The following CYGB variants were observed in gnomAD, a reference collection of about 807,000 sequenced individuals.
The protein encoded by CYGB is histoglobin.
CYGB carries 13 observed loss-of-function variants against 20.7 expected under a neutral mutation model. That is an observed-to-expected ratio of 0.63 (90% CI 0.41 to 1.00). The LOEUF is 1.00. CYGB is among the 50% of genes least tolerant of loss of function. The probability of loss-of-function intolerance (pLI) is 0.00; values close to 1 mark genes in which losing one functional copy is unlikely to be tolerated. For synonymous variants in CYGB, 93 were observed against 107.4 expected, an observed-to-expected ratio of 0.87 and a Z score of 0.83; for missense variants, 218 against 257.2, an observed-to-expected ratio of 0.85 and a Z score of 1.04.
In CYGB at chr17:76,528,598, G is replaced by T; in HGVS notation, c.553C>A (p.Leu185Met). 1 of 1,284,836 alleles carries T rather than the reference G, an allele frequency of 7.8e-7. No homozygotes were observed. Among genetic ancestry groups the T allele is most frequent in the African/African-American group, 1.5e-5 (1 of 65,672 alleles). The allele number at this position is 1,284,836 out of a possible 1,614,324, so 79.6% of individuals were successfully genotyped here. A position where few individuals can be genotyped will look rare whatever the true frequency, so the allele number is the denominator to read the frequency against. Residue 185 changes from leucine to methionine, a missense_variant, in exon 4 of 4, where the codon CTG (leucine) becomes ATG (methionine). Leu to Met is a conservative substitution (Grantham distance 15, BLOSUM62 2). Coordinates refer to ENST00000293230, the MANE Select transcript of CYGB (RefSeq NM_134268.5). The surrounding 1 kb of genome is among the most constrained non-coding windows in gnomAD (Gnocchi z 5.8). ...VPNATTPPAT[L>M]PSSGP ...GGGTCCTACGGCCCCGAAGAGGGCA[G>T]TGTGGCCGGTGGGCTGTGGACGAGA...
In CYGB at chr17:76,531,926, C is replaced by T; in HGVS notation, c.144-235G>A. 1 of 472,286 alleles carries T rather than the reference C, an allele frequency of 2.1e-6. No homozygotes were observed. The highest frequency in any genetic ancestry group is 3.8e-6 in the Non-Finnish European group (1 of 261,332). 29.3% of individuals were successfully genotyped at this position (472,286 alleles called of 1,614,324 possible). A position where few individuals can be genotyped will look rare whatever the true frequency, so the allele number is the denominator to read the frequency against. ...CTGCCAGGCTTGCTCAGGCTGGCGG[C>T]TTCATCTCCTAGGCCTCTGTCTTCC... On this transcript the variant is annotated intron_variant, in intron 1 of 3. Coordinates refer to ENST00000293230, the MANE Select transcript of CYGB (RefSeq NM_134268.5). This position sits in a 1 kb window ranked among gnomAD's most constrained non-coding sequence, Gnocchi z 7.4.
rs1244469129 is a variant in CYGB at position 76,530,996 on chromosome 17, C to G, written c.522G>C (p.Gln174His). 1 of 1,609,628 alleles carries G rather than the reference C, an allele frequency of 6.2e-7. No individual in the cohort carries two copies. Among genetic ancestry groups the G allele is most frequent in the African/African-American group, 1.3e-5 (1 of 74,832 alleles). ...CTCCTCACGTGGTGGCGTTGGGGAC[C>G]TGCTGCACCCAGCCCACTTCCTTGT... ...AAYKEVGWVQ[Q>H]VPNATTPPAT... is the part of the protein sequence containing the mutation. The change falls in exon 3 of 4, where the codon CAG becomes CAC. Residue 174 changes from glutamine to histidine, a missense_variant. Gln to His is a conservative substitution (Grantham distance 24, BLOSUM62 0). This residue lies in a region of CYGB where 66 missense variants were observed against 107.4 expected (regional missense o/e 0.61). Coordinates refer to ENST00000293230, the MANE Select transcript of CYGB (RefSeq NM_134268.5). This position sits in a 1 kb window ranked among gnomAD's most constrained non-coding sequence, Gnocchi z 6.1.
upstream of CYGB, among the ~76,000 whole-genome samples, chr17:76,539,428 T>C (rs544829081): frequency 2.6e-5 from 4 of 152,254 alleles, no homozygotes; most frequent in Non-Finnish European, 5.9e-5. Flanking sequence ...GAGTGCACAC[T>C]TGAATTCTGC....
At chr17:76,543,852 G>A (rs1344336204) in intron 1 of CYGB, 2 of 470,990 alleles carry the variant, frequency 4.2e-6, no homozygotes, top group Admixed American at 2.3e-5. Context: ...TTATCAATAA[G>A]AAATGCCAGT....
intron 3 of CYGB, chr17:76,529,029 C>A: frequency 1.0e-6 from 1 of 969,852 alleles, no homozygotes; most frequent in Non-Finnish European, 1.2e-6. Flanking sequence ...ACACAGCGCC[C>A]CCTGCAGTCA....
intron 3 of CYGB, chr17:76,529,397 C>T (rs1208831418): frequency 7.1e-6 from 7 of 985,232 alleles, no homozygotes; most frequent in African/African-American, 3.5e-5. Context: ...GAGGAGACTT[C>T]GGCCGTTTCA....
chr17:76,543,776 G>C (rs868115502), intron 1 of CYGB: 5 of 470,448 alleles, frequency 1.1e-5, no homozygotes, highest in Middle Eastern at 3.8e-4. Context: ...AGTGGCACTC[G>C]CTTTTGTGTC....
upstream of CYGB, among the ~76,000 whole-genome samples, chr17:76,539,456 G>A (rs887753226): frequency 4.6e-5 from 7 of 152,170 alleles, no homozygotes; most frequent in Non-Finnish European, 7.3e-5. Context: ...TGAAGAGGGC[G>A]TGTAATCAGA....
rs1199371097 is a variant in CYGB, at chr17:76,530,492, A to G, written c.539+487T>C. Among the ~76,000 whole-genome samples the G allele has an allele frequency of 1.3e-5, 2 of 151,990 alleles. No homozygotes were observed. Among genetic ancestry groups the G allele is most frequent in the African/African-American group, 2.4e-5 (1 of 41,380 alleles). ...TGGGCTGGGGTGTGTGTGTGTGTGTATGTGTCCTCGTGATCCTCCGGGCTC... is the reference window on the plus strand; with the variant it reads ...TGGGCTGGGGTGTGTGTGTGTGTGTGTGTGTCCTCGTGATCCTCCGGGCTC... On this transcript the variant is annotated intron_variant, in intron 3 of 3. Coordinates refer to ENST00000293230, the MANE Select transcript of CYGB (RefSeq NM_134268.5). The surrounding 1 kb of genome is among the most constrained non-coding windows in gnomAD (Gnocchi z 6.1).
At chr17:76,544,359 G>A in intron 1 of CYGB, 2 of 454,774 alleles carry the variant, frequency 4.4e-6, no homozygotes, top group South Asian at 1.6e-5. Flanking sequence ...CTGAAGGGAA[G>A]GAAGGGAAAG....
At chr17:76,539,908 C>T (rs886229557), upstream of CYGB, 5 of 592,878 alleles carry the variant, frequency 8.4e-6, no homozygotes, top group African/African-American at 9.3e-5. Context: ...CTCAATGCCA[C>T]AGTGCATGCC....
At chr17:76,545,874 T>A (rs1421913491) in intron 1 of CYGB, 3 of 168,298 alleles carry the variant, frequency 1.8e-5, no homozygotes, top group Non-Finnish European at 3.9e-5. Flanking sequence ...TGGTCCTTCC[T>A]GCCGTCTCTC....
upstream of CYGB, chr17:76,540,631 G>A: frequency 6.5e-7 from 1 of 1,548,586 alleles, no homozygotes; most frequent in Non-Finnish European, 8.9e-7. The surrounding 1 kb of genome is among the most constrained non-coding windows in gnomAD (Gnocchi z 5.0). Flanking sequence ...CTGTGGCTGT[G>A]CATGCCTGGG....
At chr17:76,529,910 A>C (rs2074814556) in intron 3 of CYGB, 1 of 985,006 alleles carries the variant, frequency 1.0e-6, no homozygotes. Flanking sequence ...TGCTGACGGG[A>C]GAGGGGGGAG....
At chr17:76,543,796 T>C (rs2075019954) in intron 1 of CYGB, 1 of 470,784 alleles carries the variant, frequency 2.1e-6, no homozygotes, top group Admixed American at 2.3e-5. Flanking sequence ...CATTTGCCTT[T>C]CCCCAGTTCC....
chr17:76,544,216 C>T (rs764800131), intron 1 of CYGB: 16 of 454,408 alleles, frequency 3.5e-5, no homozygotes, highest in South Asian at 7.8e-5. Flanking sequence ...TGTGCACACG[C>T]GTCTCTCCTC....
At chr17:76,543,173 C>T in intron 1 of CYGB, 2 of 457,860 alleles carry the variant, frequency 4.4e-6, no homozygotes, top group Middle Eastern at 7.4e-4. Flanking sequence ...TTCCCCCAGG[C>T]CCTGGGTGTG....
rs1036106335 is a variant in CYGB at position 76,530,767 on chromosome 17, C to T, written c.539+212G>A. The stretch of plus-strand genomic sequence containing the variant: ...TTTGGGAGGATTTTTGCTCAGGGCT[C>T]ATGGCTCTGAGCAGCCTGAAGTCAC... On this transcript the variant is annotated intron_variant, in intron 3 of 3. Transcript: ENST00000293230. The surrounding 1 kb of genome is among the most constrained non-coding windows in gnomAD (Gnocchi z 6.1). Among the ~76,000 whole-genome samples the T allele has an allele frequency of 6.6e-5, 10 of 152,118 alleles. No homozygotes were observed. The highest frequency in any genetic ancestry group is 5.9e-5 in the Non-Finnish European group (4 of 68,000).
rs1244445385 is a variant in CYGB at position 76,546,806 on chromosome 17, A to AT, written c.-53+4055dup. ...TGCTAGGCACTGTGCCAGCTGCTGT[A>AT]TTTTACGCACTGTTTCATTTATGCG... is the stretch of plus-strand genomic sequence containing the variant. On this transcript the variant is annotated intron_variant, in intron 1 of 3. Transcript: ENST00000589145. The surrounding 1 kb of genome is among the most constrained non-coding windows in gnomAD (Gnocchi z 4.5). 6.6e-6 allele frequency: 1 copy of AT among 152,180 alleles called. No homozygotes were observed. 9.4% of individuals were successfully genotyped at this position (152,180 alleles called of 1,614,324 possible).
Sources: gnomAD v4.1 joint callset for allele counts (sites outside exome capture counted in the v4.1 genomes callset) on GRCh38, gnomAD v4.1.1 for gene constraint, gnomAD v4.1.1 regional missense constraint, Gnocchi (gnomAD v3.1) non-coding constraint, MANE v1.5 for transcripts, NCBI Gene and HGNC (gene_info 2026-07-23, HGNC 2026-07-21) for gene names.